The following KMT2C variants were observed in gnomAD, a reference collection of about 807,000 sequenced individuals.
KMT2C encodes lysine methyltransferase 2C.
Under a neutral mutation model 507.9 loss-of-function variants are expected in KMT2C, and 88 were observed. The observed-to-expected ratio is 0.17, with a 90% CI of 0.15 to 0.21. The LOEUF (loss-of-function observed/expected upper bound fraction) is 0.21, where lower values mean the gene tolerates loss of function less well. Among genes scored for constraint, KMT2C ranks in the 10% least tolerant of loss-of-function variants. The pLI, the probability that KMT2C is intolerant of heterozygous loss-of-function variation, is 1.00. For synonymous variants in KMT2C, 2,049 were observed against 2,080.8 expected, an observed-to-expected ratio of 0.98 and a Z score of 0.42; for missense variants, 4,954 against 5,957.8, an observed-to-expected ratio of 0.83 and a Z score of 5.55.
intron 9 of KMT2C, among the ~76,000 whole-genome samples, chr7:152,255,157 A>ATATATATG (rs767823858): frequency 1.3e-4 from 17 of 128,356 alleles, no homozygotes; most frequent in African/African-American, 3.9e-4. Context: ...ATATATATAT[A>ATATATATG]TGTGTGTGTG....
At chr7:152,227,277 C>T (rs956160777) in intron 18 of KMT2C, among the ~76,000 whole-genome samples, 1 of 152,140 alleles carries the variant, frequency 6.6e-6, no homozygotes, top group African/African-American at 2.4e-5. Flanking sequence ...TTTTTTTCTT[C>T]CGTTGAACCA....
At chr7:152,290,917 T>G (rs2096416412) in intron 6 of KMT2C, among the ~76,000 whole-genome samples, 1 of 152,026 alleles carries the variant, frequency 6.6e-6, no homozygotes, top group Non-Finnish European at 1.5e-5. Flanking sequence ...AATAATTATC[T>G]TTTTAAAAGC....
intron 1 of KMT2C, among the ~76,000 whole-genome samples, chr7:152,391,142 CAAAAAAAAAAAA>C (rs1195125465): frequency 1.2e-4 from 4 of 34,766 alleles, no homozygotes; most frequent in East Asian, 1.5e-3. Flanking sequence ...AGACTGTCTC[CAAAAAAAAAAAA>C]AAAAAAAAAA....
chr7:152,408,387 C>A (rs547527939), intron 1 of KMT2C, among the ~76,000 whole-genome samples: 4 of 152,150 alleles, frequency 2.6e-5, no homozygotes, highest in African/African-American at 9.7e-5. Context: ...AAACTAGGCA[C>A]TACTGCTTCA....
chr7:152,139,127 T>TCCACCAGCACTGGCC, intron 57 of KMT2C, 59 bp downstream of exon 57: 1 of 1,520,710 alleles, frequency 6.6e-7, no homozygotes, highest in Non-Finnish European at 9.1e-7. Flanking sequence ...CAGTGTTCTC[T>TCCACCAGCACTGGCC]CCACCAGCAC....
intron 55 of KMT2C, among the ~76,000 whole-genome samples, chr7:152,140,331 T>C (rs187740884): frequency 6.6e-6 from 1 of 152,086 alleles, no homozygotes; most frequent in Admixed American, 6.5e-5. Flanking sequence ...TGGAAACAAA[T>C]GAAGCTCTTG....
At chr7:152,315,907 T>C (rs1471135633) in intron 3 of KMT2C, among the ~76,000 whole-genome samples, 1 of 152,108 alleles carries the variant, frequency 6.6e-6, no homozygotes, top group Non-Finnish European at 1.5e-5. Context: ...AGCAAGACTC[T>C]GTCTCAGGAA....
At chr7:152,180,618 AC>A in intron 36 of KMT2C, 92 bp downstream of exon 36, 1 of 965,658 alleles carries the variant, frequency 1.0e-6, no homozygotes. Context: ...AAAAAATAAA[AC>A]ATTAACTCCT....
chr7:152,221,224 T>A (rs1170526324), intron 22 of KMT2C, among the ~76,000 whole-genome samples: 1 of 152,198 alleles, frequency 6.6e-6, no homozygotes. Flanking sequence ...GCCACTGCAC[T>A]CCAGCCTGGG....
intron 1 of KMT2C, among the ~76,000 whole-genome samples, chr7:152,409,205 C>T (rs150435822): frequency 1.3e-5 from 2 of 151,918 alleles, no homozygotes; most frequent in Non-Finnish European, 2.9e-5. Flanking sequence ...CAGGGTCTCA[C>T]TATGTTGTCC....
In KMT2C at chr7:152,222,697, T is replaced by G. The variant is rs769038107; in HGVS notation, c.3324-15A>C. 2 of 1,456,182 alleles carry G rather than the reference T, an allele frequency of 1.4e-6. No individual in the cohort carries two copies. The highest frequency in any genetic ancestry group is 4.6e-5 in the East Asian group (2 of 43,886). 90.2% of individuals were successfully genotyped at this position (1,456,182 alleles called of 1,614,324 possible). A position where few individuals can be genotyped will look rare whatever the true frequency, so the allele number is the denominator to read the frequency against. On this transcript the variant is annotated splice_polypyrimidine_tract_variant and intron_variant, in intron 20 of 58. Transcript: ENST00000262189. ...CATGCATCCATCTAAAAAGACCATA[T>G]TTGTACATTTTTTTTAAAAAATGGA...
At chr7:152,203,140 C>A in intron 25 of KMT2C, 76 bp from the exon 26 acceptor site, 1 of 1,180,084 alleles carries the variant, frequency 8.5e-7, no homozygotes, top group Non-Finnish European at 1.2e-6. Context: ...AATTTTATAC[C>A]TTACCAACAT....
At chr7:152,381,935 T>G (rs2097377810) in intron 1 of KMT2C, among the ~76,000 whole-genome samples, 1 of 152,232 alleles carries the variant, frequency 6.6e-6, no homozygotes, top group African/African-American at 2.4e-5. Flanking sequence ...CTGGTTTTTC[T>G]GAAGCTCAAT....
chr7:152,275,439 G>A (rs1369531202), intron 6 of KMT2C, among the ~76,000 whole-genome samples: 1 of 152,190 alleles, frequency 6.6e-6, no homozygotes, highest in Non-Finnish European at 1.5e-5. Context: ...AGCTACTTGG[G>A]AGGCTGAAGC....
intron 6 of KMT2C, among the ~76,000 whole-genome samples, chr7:152,294,877 C>G (rs551447747): frequency 1.3e-5 from 2 of 152,150 alleles, no homozygotes; most frequent in African/African-American, 2.4e-5. Flanking sequence ...GAGCATTGAC[C>G]AAAGGATCAA....
intron 42 of KMT2C, 117 bp downstream of exon 42, chr7:152,167,029 A>T: frequency 2.6e-6 from 2 of 760,742 alleles, no homozygotes; most frequent in Non-Finnish European, 4.3e-6. Flanking sequence ...ATGTACTTTT[A>T]ATGCCATTTA....
At chr7:152,179,134 G>A (rs1408706104) in intron 37 of KMT2C, among the ~76,000 whole-genome samples, 1 of 152,128 alleles carries the variant, frequency 6.6e-6, no homozygotes, top group African/African-American at 2.4e-5. Flanking sequence ...GCGAATACAG[G>A]TGCAGTGCCT....
rs2093411400 is a variant in KMT2C, at chr7:152,180,837, T to C, written c.7023A>G (p.Pro2341=). 5 of 1,614,048 alleles carry C rather than the reference T, an allele frequency of 3.1e-6. No individual in the cohort carries two copies. The highest frequency in any genetic ancestry group is 1.3e-5 in the African/African-American group (1 of 74,980). ...EGSFCASSNS[P]MHSQGQQFSG... ...AGAACTGCTGGCCTTGGGAGTGCAT[T>C]GGAGAGTTTGAAGATGCACAGAAGC... Residue 2341 remains proline, a synonymous_variant, in exon 36 of 59, where the codon CCA becomes CCG. Transcript: ENST00000262189.
intron 1 of KMT2C, chr7:152,368,344 A>G: frequency 8.4e-7 from 1 of 1,186,246 alleles, no homozygotes; most frequent in Non-Finnish European, 1.2e-6. Context: ...AGGGCAGCTG[A>G]CTAAGAGCCC....
Sources: allele counts gnomAD v4.1 joint callset (sites outside exome capture counted in the v4.1 genomes callset), GRCh38; gene constraint gnomAD v4.1.1; transcripts MANE v1.5; gene names NCBI Gene and HGNC (gene_info 2026-07-23, HGNC 2026-07-21).